Variants in AGFG2 observed in about 807,000 individuals in gnomAD.
The protein encoded by AGFG2 is ArfGAP with FG repeats 2, also known as arf-GAP domain and FG repeat-containing protein 2.
In AGFG2, 31 loss-of-function variants were observed where a neutral mutation model predicts 48.0. That is an observed-to-expected ratio of 0.65 (90% CI 0.49 to 0.87). The LOEUF is 0.87. Among genes scored for constraint, AGFG2 ranks in the 40% least tolerant of loss-of-function variants. The probability of loss-of-function intolerance (pLI) is 0.00; values close to 1 mark genes in which losing one functional copy is unlikely to be tolerated. For synonymous variants in AGFG2, 229 were observed against 260.8 expected (o/e 0.88, Z 1.18); for missense variants, 599 against 632.6 (o/e 0.95, Z 0.57).
At chr7:100,564,152 C>A in intron 10 of AGFG2, 66 bp from the exon 11 acceptor site, 2 of 1,561,620 alleles carry the variant, frequency 1.3e-6, no homozygotes, top group Non-Finnish European at 1.7e-6. Context: ...TTAGGAGGGC[C>A]CCCCTTGCTG....
intron 5 of AGFG2, among the ~76,000 whole-genome samples, chr7:100,554,937 CAAAAAA>C (rs749887106): frequency 3.5e-5 from 2 of 57,578 alleles, no homozygotes; most frequent in African/African-American, 1.3e-4. Flanking sequence ...GACTCCGTCT[CAAAAAA>C]AAAAAAAAAA....
Position 100,562,196 on chromosome 7 carries a change from C to A in AGFG2, c.878-63C>A. On this transcript the variant is annotated intron_variant, in intron 6 of 11. Coordinates refer to ENST00000300176, the MANE Select transcript of AGFG2 (RefSeq NM_006076.5). The surrounding 1 kb of genome is among the most constrained non-coding windows in gnomAD (Gnocchi z 5.4). ...ATCACCACCACCACCTCCATCTGCT[C>A]TCCTGCCCCTCCCGCCCTGTCTTAC... 6.3e-7 allele frequency: 1 copy of A among 1,576,916 alleles called. No homozygotes were observed. The highest frequency in any genetic ancestry group is 1.1e-5 in the South Asian group (1 of 87,226).
Position 100,539,289 on chromosome 7 carries a change from G to A in AGFG2, c.-58G>A. The A allele has an allele frequency of 7.9e-7, 1 of 1,267,570 alleles. No homozygotes were observed. The highest frequency in any genetic ancestry group is 1.0e-6 in the Non-Finnish European group (1 of 1,002,110). The allele number at this position is 1,267,570 out of a possible 1,614,324, so 78.5% of individuals were successfully genotyped here. A position where few individuals can be genotyped will look rare whatever the true frequency, so the allele number is the denominator to read the frequency against. Reference sequence around the variant, plus strand: ...GCGTGCGGAGGCGGCTGAGGAGGCGGGAAGGCGGCAGTGGTTGAAGGGGTG... The same window carrying A: ...GCGTGCGGAGGCGGCTGAGGAGGCGAGAAGGCGGCAGTGGTTGAAGGGGTG... On this transcript the variant is annotated 5_prime_UTR_variant, in exon 1 of 12. Coordinates refer to ENST00000300176, the MANE Select transcript of AGFG2 (RefSeq NM_006076.5).
rs539828227 is a variant in AGFG2, at chr7:100,544,637, A to G, written c.222-4185A>G. On this transcript the variant is annotated intron_variant, in intron 1 of 11. Transcript: ENST00000300176. ...GACAGAGTCTCTCACTAAATTACAG[A>G]TGTAGGTGCTGTTTCATAAGGGGTG... 1.0e-4 allele frequency among the ~76,000 whole-genome samples: 15 copies of G among 146,654 alleles called. 2 individuals are homozygous for G. Among genetic ancestry groups the G allele is most frequent in the Admixed American group, 9.9e-4 (14 of 14,148 alleles).
At chr7:100,561,565 C>T (rs1296259980) in intron 6 of AGFG2, among the ~76,000 whole-genome samples, 3 of 152,232 alleles carry the variant, frequency 2.0e-5, no homozygotes. Context: ...AGCCTCTTCC[C>T]CTGAGACAAG....
chr7:100,554,032 A>G (rs1377558184), intron 4 of AGFG2, 61 bp from the exon 5 acceptor site: 35 of 1,550,886 alleles, frequency 2.3e-5, no homozygotes, highest in Non-Finnish European at 2.7e-5. Context: ...CTGGGGAGCC[A>G]GAGGAGGGCC....
rs1435156503 is a variant in AGFG2, at chr7:100,539,402, A to AGGCGGG, written c.61_62insGGGCGG (p.Ala20_Glu21insGlyAla). ...CCGGGCGGCGGGGTCAGCGGGGGCA[A>AGGCGGG]GGCGGAGGCGGAGGCGGCCTCGGAG... On this transcript the variant is annotated inframe_insertion, in exon 1 of 12. Transcript: ENST00000300176. 7.7e-7 allele frequency: 1 copy of AGGCGGG among 1,306,346 alleles called. No individual in the cohort carries two copies. The highest frequency in any genetic ancestry group is 9.8e-7 in the Non-Finnish European group (1 of 1,024,628). The allele number at this position is 1,306,346 out of a possible 1,614,324, so 80.9% of individuals were successfully genotyped here. A position where few individuals can be genotyped will look rare whatever the true frequency, so the allele number is the denominator to read the frequency against.
At chr7:100,544,980 C>T (rs1236374371) in intron 1 of AGFG2, among the ~76,000 whole-genome samples, 1 of 152,044 alleles carries the variant, frequency 6.6e-6, no homozygotes, top group Non-Finnish European at 1.5e-5. Flanking sequence ...AATAGGAGAG[C>T]CTTCCTCTTA....
chr7:100,543,127 G>A (rs1017570192), intron 1 of AGFG2, among the ~76,000 whole-genome samples: 28 of 151,928 alleles, frequency 1.8e-4, no homozygotes, highest in African/African-American at 4.8e-4. Context: ...GCAGTGGTCC[G>A]ATCTTGGCTC....
intron 1 of AGFG2, 25 bp from the exon 2 acceptor site, chr7:100,548,797 C>T (rs761360841): frequency 2.5e-5 from 40 of 1,580,736 alleles, no homozygotes; most frequent in Non-Finnish European, 3.1e-5. Flanking sequence ...TTATACTTCT[C>T]TTTCTTCCTG....
chr7:100,558,282 A>C (rs982137949), intron 6 of AGFG2, among the ~76,000 whole-genome samples: 6 of 152,208 alleles, frequency 3.9e-5, no homozygotes, highest in Non-Finnish European at 5.9e-5. Context: ...CTAGGATAAG[A>C]TAGTTTTGCA....
Position 100,565,080 on chromosome 7 carries a change from A to C in AGFG2, c.*89A>C. On this transcript the variant is annotated 3_prime_UTR_variant, in exon 12 of 12. Coordinates refer to ENST00000300176, the MANE Select transcript of AGFG2 (RefSeq NM_006076.5). ...TGACCACTTGCCTGTGGGCATTTCT[A>C]TGGGCCTTGGGGATGGTGGAGGTGC... is the stretch of plus-strand genomic sequence containing the variant. 1 of 1,431,436 alleles carries C rather than the reference A, an allele frequency of 7.0e-7. No homozygotes were observed. The highest frequency in any genetic ancestry group is 9.9e-7 in the Non-Finnish European group (1 of 1,014,478). The allele number at this position is 1,431,436 out of a possible 1,614,324, so 88.7% of individuals were successfully genotyped here. A position where few individuals can be genotyped will look rare whatever the true frequency, so the allele number is the denominator to read the frequency against.
In AGFG2 at chr7:100,562,151, T is replaced by G; in HGVS notation, c.878-108T>G. The G allele has an allele frequency of 6.9e-7, 1 of 1,455,736 alleles. No individual in the cohort carries two copies. The highest frequency in any genetic ancestry group is 9.3e-7 in the Non-Finnish European group (1 of 1,071,664). The allele number at this position is 1,455,736 out of a possible 1,614,324, so 90.2% of individuals were successfully genotyped here. ...CCTCAGAGAACCCAGCAGGCACCTGTCATGCCATGACTCCAATCCATCACC... is the reference window on the plus strand; with the variant it reads ...CCTCAGAGAACCCAGCAGGCACCTGGCATGCCATGACTCCAATCCATCACC... On this transcript the variant is annotated intron_variant, in intron 6 of 11. Transcript: ENST00000300176. This position sits in a 1 kb window ranked among gnomAD's most constrained non-coding sequence, Gnocchi z 5.4.
intron 10 of AGFG2, 86 bp from the exon 11 acceptor site, chr7:100,564,132 C>A: frequency 6.5e-7 from 1 of 1,538,506 alleles, no homozygotes; most frequent in Non-Finnish European, 8.9e-7. Context: ...TGTTCCCTTA[C>A]TCCCCCAGTT....
At chr7:100,545,720 T>C (rs939072095) in intron 1 of AGFG2, among the ~76,000 whole-genome samples, 1 of 152,148 alleles carries the variant, frequency 6.6e-6, no homozygotes, top group African/African-American at 2.4e-5. Context: ...GGGAGCTGGG[T>C]GCAAGTGGGA....
chr7:100,544,196 A>G (rs1337983468), intron 1 of AGFG2, among the ~76,000 whole-genome samples: 4 of 152,230 alleles, frequency 2.6e-5, no homozygotes, highest in Admixed American at 2.6e-4. Context: ...TCAGCAAAGT[A>G]TGACATATTT....
Position 100,539,401 on chromosome 7 carries a change from A to AAGGC in AGFG2, c.56_59dup (p.Glu21GlyfsTer74). The AAGGC allele has an allele frequency of 3.1e-6, 4 of 1,308,560 alleles. No homozygotes were observed. The South Asian group carries it at 8.7e-5, about 28-fold the overall frequency. The allele number at this position is 1,308,560 out of a possible 1,614,324, so 81.1% of individuals were successfully genotyped here. A position where few individuals can be genotyped will look rare whatever the true frequency, so the allele number is the denominator to read the frequency against. On this transcript the variant is annotated frameshift_variant, in exon 1 of 12. Transcript: ENST00000300176. LOFTEE classifies it high-confidence loss of function. ...CCCGGGCGGCGGGGTCAGCGGGGGC[A>AAGGC]AGGCGGAGGCGGAGGCGGCCTCGGA...
chr7:100,540,553 C>A (rs1405866461), intron 1 of AGFG2, among the ~76,000 whole-genome samples: 2 of 152,166 alleles, frequency 1.3e-5, no homozygotes, highest in Non-Finnish European at 2.9e-5. Context: ...CTCCACTCCC[C>A]TCTGCACTCC....
chr7:100,547,012 A>T (rs1430491058), intron 1 of AGFG2, among the ~76,000 whole-genome samples: 1 of 152,140 alleles, frequency 6.6e-6, no homozygotes, highest in Non-Finnish European at 1.5e-5. Flanking sequence ...GACCCTTTAT[A>T]CCTAAAGGTC....
Sources: allele counts gnomAD v4.1 joint callset (sites outside exome capture counted in the v4.1 genomes callset), GRCh38; gene constraint gnomAD v4.1.1; non-coding constraint Gnocchi (gnomAD v3.1); transcripts MANE v1.5; gene names NCBI Gene and HGNC (gene_info 2026-07-23, HGNC 2026-07-21).